The following LRRTM4 variants were observed in gnomAD, a reference collection of about 807,000 sequenced individuals.
The protein encoded by LRRTM4 is leucine rich repeat transmembrane neuronal 4.
A neutral mutation model predicts 47.6 loss-of-function variants in LRRTM4; 25 were observed. That is an observed-to-expected ratio of 0.53 (90% CI 0.38 to 0.73). The LOEUF is 0.73. Among genes scored for constraint, LRRTM4 ranks in the 30% least tolerant of loss-of-function variants. The pLI, the probability that LRRTM4 is intolerant of heterozygous loss-of-function variation, is 0.00. For synonymous variants in LRRTM4, 311 were observed against 269.5 expected (o/e 1.15, Z -1.51); for missense variants, 638 against 713.4 (o/e 0.89, Z 1.20).
intron 3 of LRRTM4, among the ~76,000 whole-genome samples, chr2:77,403,843 G>A (rs1444284522): frequency 6.7e-6 from 1 of 148,856 alleles, no homozygotes; most frequent in East Asian, 1.9e-4. Flanking sequence ...AGGCCATTAT[G>A]TCTTTATTCC....
chr2:77,498,377 C>T (rs1246934924), intron 3 of LRRTM4, among the ~76,000 whole-genome samples: 1 of 151,796 alleles, frequency 6.6e-6, no homozygotes, highest in African/African-American at 2.4e-5. Context: ...TTCCCTGAGG[C>T]TAGTTTCCTC....
intron 3 of LRRTM4, among the ~76,000 whole-genome samples, chr2:77,072,802 A>G (rs1256560072): frequency 7.0e-6 from 1 of 142,520 alleles, no homozygotes; most frequent in Non-Finnish European, 1.5e-5. Flanking sequence ...CCGTCTTCCA[A>G]AAAAAAAAAA....
chr2:76,950,267 CT>C (rs2103884188), intron 3 of LRRTM4, among the ~76,000 whole-genome samples: 1 of 152,022 alleles, frequency 6.6e-6, no homozygotes, highest in East Asian at 1.9e-4. Flanking sequence ...TCAAAGGTCT[CT>C]ATGGTAATGT....
At chr2:76,903,992 C>G (rs1673733138) in intron 3 of LRRTM4, among the ~76,000 whole-genome samples, 1 of 152,164 alleles carries the variant, frequency 6.6e-6, no homozygotes, top group East Asian at 1.9e-4. Flanking sequence ...CTGTAGGAAT[C>G]CAATTTAGTG....
chr2:76,836,456 C>T (rs939092287), intron 3 of LRRTM4, among the ~76,000 whole-genome samples: 1 of 151,798 alleles, frequency 6.6e-6, no homozygotes, highest in African/African-American at 2.4e-5. Flanking sequence ...TTCACACTTT[C>T]CTGTGTTATT....
chr2:76,894,759 A>G (rs1348530717), intron 3 of LRRTM4, among the ~76,000 whole-genome samples: 1 of 151,960 alleles, frequency 6.6e-6, no homozygotes, highest in East Asian at 1.9e-4. Context: ...CTCACCGAAT[A>G]TCTGTATTTG....
At chr2:76,795,655 C>T (rs1340091274) in intron 3 of LRRTM4, among the ~76,000 whole-genome samples, 7 of 152,008 alleles carry the variant, frequency 4.6e-5, no homozygotes, top group Non-Finnish European at 5.9e-5. Context: ...CATCTCTTGG[C>T]TATTATGAAT....
intron 3 of LRRTM4, among the ~76,000 whole-genome samples, chr2:77,404,957 C>T (rs990325448): frequency 2.6e-5 from 4 of 152,048 alleles, no homozygotes; most frequent in African/African-American, 9.7e-5. Context: ...TTTTCATGAA[C>T]TCCCCCTTTC....
At chr2:77,031,851 T>C (rs1678670643) in intron 3 of LRRTM4, among the ~76,000 whole-genome samples, 1 of 152,144 alleles carries the variant, frequency 6.6e-6, no homozygotes, top group African/African-American at 2.4e-5. Context: ...GTCTGCCTAC[T>C]TGACACGTCT....
At chr2:77,220,162 A>G (rs2103945229) in intron 3 of LRRTM4, among the ~76,000 whole-genome samples, 1 of 152,320 alleles carries the variant, frequency 6.6e-6, no homozygotes, top group Non-Finnish European at 1.5e-5. Context: ...GTTAGAAGGA[A>G]AACTAACAAA....
chr2:76,754,624 G>C lies in LRRTM4; in HGVS notation c.1552-5708C>G, dbSNP rs117397290. On this transcript the variant is annotated intron_variant, in intron 3 of 3. Transcript: ENST00000409884. ...AAGTGTGAAAGCTCCCAAGTTTTAC[G>C]TATTCCACTTATGGTAGATTACATT... Among the ~76,000 whole-genome samples, 43 of 152,246 alleles carry C rather than the reference G, an allele frequency of 2.8e-4. No homozygotes were observed. The East Asian group carries it at 7.9e-3, about 28-fold the overall frequency.
chr2:77,406,322 CTAT>C (rs1370613897), intron 3 of LRRTM4, among the ~76,000 whole-genome samples: 1 of 151,746 alleles, frequency 6.6e-6, no homozygotes, highest in African/African-American at 2.4e-5. Context: ...CATGCATTAT[CTAT>C]TATTATTATT....
chr2:77,182,613 C>T (rs944350811), intron 3 of LRRTM4, among the ~76,000 whole-genome samples: 2 of 152,196 alleles, frequency 1.3e-5, no homozygotes, highest in African/African-American at 2.4e-5. Context: ...TCTAGATATA[C>T]AATCATGTCA....
At chr2:77,435,552 G>A (rs7591432) in intron 3 of LRRTM4, among the ~76,000 whole-genome samples, 1 of 151,934 alleles carries the variant, frequency 6.6e-6, no homozygotes, top group African/African-American at 2.4e-5. Context: ...TTGTTTAAAG[G>A]TCATGCAAAG....
chr2:77,480,226 TAA>T (rs34817448), intron 3 of LRRTM4, among the ~76,000 whole-genome samples: 12 of 146,774 alleles, frequency 8.2e-5, no homozygotes, highest in African/African-American at 2.7e-4. Context: ...ATTTCTACCT[TAA>T]AAAAAAAAAG....
intron 3 of LRRTM4, among the ~76,000 whole-genome samples, chr2:77,266,318 A>C (rs1053931606): frequency 2.0e-5 from 3 of 152,136 alleles, no homozygotes; most frequent in Non-Finnish European, 4.4e-5. Flanking sequence ...CTGCATGTAA[A>C]ACTCAACCGT....
chr2:77,376,322 C>A (rs1672838666), intron 3 of LRRTM4, among the ~76,000 whole-genome samples: 3 of 151,618 alleles, frequency 2.0e-5, no homozygotes, highest in African/African-American at 4.8e-5. Flanking sequence ...TATCTTTTCA[C>A]AAAACGATAT....
At chr2:77,490,038 T>C (rs1370200452) in intron 3 of LRRTM4, among the ~76,000 whole-genome samples, 1 of 152,048 alleles carries the variant, frequency 6.6e-6, no homozygotes, top group Non-Finnish European at 1.5e-5. Context: ...TCAGTTCAGG[T>C]AAGAAGTTTG....
intron 3 of LRRTM4, among the ~76,000 whole-genome samples, chr2:76,937,035 G>GTGAC (rs1674977896): frequency 1.4e-5 from 2 of 146,896 alleles, no homozygotes; most frequent in African/African-American, 5.1e-5. Flanking sequence ...TAGATTCATG[G>GTGAC]TGACAATGAC....
Sources: gnomAD v4.1 joint callset for allele counts (sites outside exome capture counted in the v4.1 genomes callset) on GRCh38, gnomAD v4.1.1 for gene constraint, MANE v1.5 for transcripts, NCBI Gene and HGNC (gene_info 2026-07-23, HGNC 2026-07-21) for gene names.